NF1: variants seen among roughly 807,000 people sequenced by gnomAD.
NF1 encodes neurofibromin.
A neutral mutation model predicts 325.7 loss-of-function variants in NF1; 122 were observed. That is an observed-to-expected ratio of 0.37 (90% CI 0.32 to 0.44). The LOEUF (loss-of-function observed/expected upper bound fraction) is 0.44, where lower values mean the gene tolerates loss of function less well. Among genes scored for constraint, NF1 ranks in the 20% least tolerant of loss-of-function variants. The pLI, the probability that NF1 is intolerant of heterozygous loss-of-function variation, is 1.00. For synonymous variants in NF1, 1,091 were observed against 1,186.0 expected, an observed-to-expected ratio of 0.92 and a Z score of 1.65; for missense variants, 2,140 against 3,415.4, an observed-to-expected ratio of 0.63 and a Z score of 9.31.
At chr17:31,320,615 A>G (rs2069161465) in intron 36 of NF1, 1 of 491,932 alleles carries the variant, frequency 2.0e-6, no homozygotes, top group Non-Finnish European at 3.6e-6. Flanking sequence ...TATATTTCAT[A>G]TTAATAGTAG....
chr17:31,358,848 A>G (rs1308455573), intron 55 of NF1, 121 bp from the exon 56 acceptor site: 3 of 1,111,112 alleles, frequency 2.7e-6, no homozygotes, highest in African/African-American at 3.1e-5. Flanking sequence ...CACTCATTCT[A>G]AAAACATGTT....
chr17:31,101,281 A>G (rs1450886344), intron 1 of NF1, among the ~76,000 whole-genome samples: 2 of 152,046 alleles, frequency 1.3e-5, no homozygotes, highest in African/African-American at 2.4e-5. Flanking sequence ...CCCAAGACAC[A>G]ATACTTTTCT....
At chr17:31,318,204 C>T (rs974394925) in intron 36 of NF1, 1 of 1,466,392 alleles carries the variant, frequency 6.8e-7, no homozygotes, top group Admixed American at 2.3e-5. Context: ...TCTACCATGT[C>T]AAATTTTAGA....
intron 9 of NF1, 139 bp downstream of exon 9, chr17:31,200,734 G>T: frequency 2.0e-6 from 2 of 1,021,606 alleles, no homozygotes; most frequent in Non-Finnish European, 3.0e-6. Context: ...TGCTTTTGTT[G>T]TTACTGTGTT....
Position 31,350,312 on chromosome 17 carries a change from C to T in NF1, c.7451C>T (p.Ser2484Phe), listed in dbSNP as rs1215473858. ...TATCCCATTCATCATGGTGACCCTT[C>T]CTATAGGTAAGTGGATTTACTCTCC... ...DTYPIHHGDP[S>F]YRTLKETQPW... Residue 2484 changes from serine (S) to phenylalanine (F), a missense_variant, in exon 50 of 58, where the codon TCC (serine) becomes TTC (phenylalanine). Physicochemically the swap from Ser to Phe is radical, Grantham distance 155. This residue lies in a region of NF1 where 522 missense variants were observed against 749.0 expected (regional missense o/e 0.70). Transcript: ENST00000358273. The T allele has an allele frequency of 6.2e-7, 1 of 1,611,966 alleles. No individual in the cohort carries two copies. Among genetic ancestry groups the T allele is most frequent in the South Asian group, 1.1e-5 (1 of 91,056 alleles).
At chr17:31,364,307 T>C (rs2070467003) in intron 57 of NF1, among the ~76,000 whole-genome samples, 1 of 152,228 alleles carries the variant, frequency 6.6e-6, no homozygotes, top group Non-Finnish European at 1.5e-5. Context: ...TTTAAACAGA[T>C]AAAGGTTCCA....
chr17:31,373,824 A>G (rs2070690787), intron 57 of NF1, among the ~76,000 whole-genome samples, 189 bp from the exon 58 acceptor site: 3 of 152,360 alleles, frequency 2.0e-5, no homozygotes, highest in South Asian at 2.1e-4. Flanking sequence ...GCTATACCAT[A>G]TAGCCTTGGT....
At chr17:31,293,254 A>G (rs16972161) in intron 36 of NF1, among the ~76,000 whole-genome samples, 1 of 143,874 alleles carries the variant, frequency 7.0e-6, no homozygotes, top group Non-Finnish European at 1.5e-5. Context: ...GTTTTTTTAA[A>G]TAAGACACAA....
intron 12 of NF1, among the ~76,000 whole-genome samples, chr17:31,211,358 T>TC (rs1361435201): frequency 3.3e-5 from 5 of 152,266 alleles, no homozygotes; most frequent in African/African-American, 4.8e-5. Flanking sequence ...TGAGATGAAT[T>TC]AAATTTATTG....
rs2069329686 is a variant in NF1 at position 31,325,963 on chromosome 17, C to G, written c.4979C>G (p.Ser1660Cys). Residue 1660 changes from serine to cysteine, a missense_variant, in exon 37 of 58, where the codon TCT becomes TGT. Coordinates refer to ENST00000358273, the MANE Select transcript of NF1 (RefSeq NM_001042492.3). ...AATCGCTTTAAAACAGACTTTCTCT[C>G]TAAGTGGTTTGTTGTTTTTCCTGGC... ...PSNRFKTDFL[S>C]KWFVVFPGFA... 1 of 1,614,188 alleles carries G rather than the reference C, an allele frequency of 6.2e-7. No homozygotes were observed. Among genetic ancestry groups the G allele is most frequent in the Non-Finnish European group, 8.5e-7 (1 of 1,180,036 alleles).
At chr17:31,294,884 G>C in intron 36 of NF1, 2 of 1,275,074 alleles carry the variant, frequency 1.6e-6, no homozygotes, top group South Asian at 1.2e-5. Flanking sequence ...ATCAGAGTTA[G>C]AAATGTTAAG....
chr17:31,248,220 C>CCAAAA (rs2067432337), intron 29 of NF1, among the ~76,000 whole-genome samples: 2 of 126,194 alleles, frequency 1.6e-5, no homozygotes, highest in African/African-American at 3.1e-5. Context: ...CACCCCCCAC[C>CCAAAA]AAAAAAAAAA....
chr17:31,141,205 AT>A (rs562263877), intron 1 of NF1, among the ~76,000 whole-genome samples: 38 of 148,348 alleles, frequency 2.6e-4, no homozygotes, highest in East Asian at 2.6e-3. Context: ...ATATACACAG[AT>A]TTTTTTTTTT....
chr17:31,110,626 A>C (rs1913315325), intron 1 of NF1, among the ~76,000 whole-genome samples: 1 of 152,206 alleles, frequency 6.6e-6, no homozygotes, highest in South Asian at 2.1e-4. Context: ...AATAAAACTT[A>C]TAGAAGCAGA....
rs1224603129 is a variant in NF1 at position 31,200,612 on chromosome 17, TTCTC to T, written c.1062+19_1062+22del. On this transcript the variant is annotated intron_variant, in intron 9 of 57. Transcript: ENST00000358273. Reference sequence around the variant, plus strand: ...GATCTTAAGGTAACATGCTTATTCTTTCTCTACTACAAACTTTAAGAAAATTAAA... The same window carrying T: ...GATCTTAAGGTAACATGCTTATTCTTTACTACAAACTTTAAGAAAATTAAA... 6.2e-7 allele frequency: 1 copy of T among 1,612,652 alleles called. No homozygotes were observed. Among genetic ancestry groups the T allele is most frequent in the African/African-American group, 1.3e-5 (1 of 74,908 alleles).
chr17:31,285,613 C>A (rs1456691635), intron 36 of NF1, among the ~76,000 whole-genome samples: 1 of 151,946 alleles, frequency 6.6e-6, no homozygotes, highest in Non-Finnish European at 1.5e-5. Flanking sequence ...TTTGGGAGGC[C>A]AAGGCAGGTA....
In NF1 at chr17:31,219,991, T is replaced by A. The variant is rs17883997; in HGVS notation, c.1641+873T>A. Among the ~76,000 whole-genome samples, 1,032 of 152,302 alleles carry A rather than the reference T, an allele frequency of 6.8e-3. 17 individuals are homozygous for A. Among genetic ancestry groups the A allele is most frequent in the African/African-American group, 0.023 (967 of 41,560 alleles). ...TTTGGTGTTGTTTCTACTTTTTAGC[T>A]ATTACAAATAATGCTGCTATGAACA... On this transcript the variant is annotated intron_variant, in intron 14 of 57. Coordinates refer to ENST00000358273, the MANE Select transcript of NF1 (RefSeq NM_001042492.3).
intron 38 of NF1, among the ~76,000 whole-genome samples, chr17:31,328,160 G>T (rs183932163): frequency 4.6e-5 from 7 of 152,172 alleles, no homozygotes; most frequent in East Asian, 1.9e-4. Context: ...ATTTTCAGAA[G>T]TATATCACTA....
intron 29 of NF1, among the ~76,000 whole-genome samples, chr17:31,246,672 G>C (rs968599333): frequency 6.6e-6 from 1 of 152,130 alleles, no homozygotes; most frequent in Admixed American, 6.5e-5. Flanking sequence ...TAGTTAGAGA[G>C]TAAAGGTTTG....
Sources: allele counts gnomAD v4.1 joint callset (sites outside exome capture counted in the v4.1 genomes callset), GRCh38; gene constraint gnomAD v4.1.1; regional missense constraint gnomAD v4.1.1; transcripts MANE v1.5; gene names NCBI Gene and HGNC (gene_info 2026-07-23, HGNC 2026-07-21).